Variants in ZW10 observed in about 807,000 individuals in gnomAD.
ZW10 encodes zw10 kinetochore protein.
A neutral mutation model predicts 87.8 loss-of-function variants in ZW10; 53 were observed. The observed-to-expected ratio is 0.60, with a 90% confidence interval of 0.48 to 0.76. The LOEUF (loss-of-function observed/expected upper bound fraction) is 0.76, where lower values mean the gene tolerates loss of function less well. Among genes scored for constraint, ZW10 ranks in the 30% least tolerant of loss-of-function variants. The probability of loss-of-function intolerance (pLI) is 0.00; values close to 1 mark genes in which losing one functional copy is unlikely to be tolerated. For missense variants in ZW10, 837 were observed against 923.0 expected (o/e 0.91, Z 1.21); for synonymous variants, 312 against 329.2 (o/e 0.95, Z 0.57).
At chr11:113,769,419 C>G (rs1194679910) in intron 1 of ZW10, among the ~76,000 whole-genome samples, 1 of 152,116 alleles carries the variant, frequency 6.6e-6, no homozygotes, top group Non-Finnish European at 1.5e-5. Context: ...TAAATTAAAT[C>G]CATAATCTGT....
At chr11:113,740,473 A>C (rs1443565924) in intron 11 of ZW10, among the ~76,000 whole-genome samples, 1 of 152,082 alleles carries the variant, frequency 6.6e-6, no homozygotes, top group Non-Finnish European at 1.5e-5. Context: ...GGTCCCAGCT[A>C]CTTGGGAGGC....
At chr11:113,764,359 A>G (rs976282014) in intron 2 of ZW10, among the ~76,000 whole-genome samples, 3 of 152,172 alleles carry the variant, frequency 2.0e-5, no homozygotes, top group African/African-American at 4.8e-5. Flanking sequence ...CTTTGATTCC[A>G]TATGAAATTA....
At chr11:113,735,868 A>G (rs1591407627) in intron 15 of ZW10, among the ~76,000 whole-genome samples, 1 of 152,076 alleles carries the variant, frequency 6.6e-6, no homozygotes, top group African/African-American at 2.4e-5. Flanking sequence ...AAACTACTGC[A>G]CTCCCTGCAG....
chr11:113,751,529 T>C (rs1367384368), intron 7 of ZW10, among the ~76,000 whole-genome samples: 1 of 152,186 alleles, frequency 6.6e-6, no homozygotes, highest in Non-Finnish European at 1.5e-5. Context: ...TTACAATGAA[T>C]AGTGTTTTAG....
At chr11:113,743,740 C>T in intron 10 of ZW10, 62 bp downstream of exon 10, 1 of 1,251,618 alleles carries the variant, frequency 8.0e-7, no homozygotes, top group Non-Finnish European at 1.2e-6. Flanking sequence ...TCCTGATAAA[C>T]ATCTAGTTAG....
Position 113,758,709 on chromosome 11 carries a change from A to G in ZW10, c.581-3T>C. 2 of 1,613,550 alleles carry G rather than the reference A, an allele frequency of 1.2e-6. No homozygotes were observed. Among genetic ancestry groups the G allele is most frequent in the Non-Finnish European group, 8.5e-7 (1 of 1,179,728 alleles). On this transcript the variant is annotated splice_polypyrimidine_tract_variant and splice_region_variant and intron_variant, in intron 5 of 15. Coordinates refer to ENST00000200135, the MANE Select transcript of ZW10 (RefSeq NM_004724.4). ...GTAAGATTCCAAACTGCTGGTATCT[A>G]AGAAAAAGGAAGAAAAATATCAGCT...
chr11:113,738,681 G>A (rs888912703), intron 12 of ZW10, among the ~76,000 whole-genome samples: 3 of 152,224 alleles, frequency 2.0e-5, no homozygotes, highest in Middle Eastern at 3.4e-3. Context: ...TTATTCTGAT[G>A]TATCTATACC....
chr11:113,761,069 A>G (rs1953855785), intron 2 of ZW10, 151 bp from the exon 3 acceptor site: 2 of 654,136 alleles, frequency 3.1e-6, no homozygotes, highest in Non-Finnish European at 5.2e-6. Flanking sequence ...CACAGAATGT[A>G]GTAGGAAGAT....
intron 1 of ZW10, among the ~76,000 whole-genome samples, chr11:113,769,356 T>C (rs765187067): frequency 1.3e-5 from 2 of 152,208 alleles, no homozygotes; most frequent in Non-Finnish European, 2.9e-5. Context: ...TATTGAACTA[T>C]ATCAGACTGT....
intron 11 of ZW10, 126 bp from the exon 12 acceptor site, chr11:113,739,508 C>T (rs985846972): frequency 1.6e-5 from 13 of 817,890 alleles, no homozygotes; most frequent in Non-Finnish European, 2.4e-5. Context: ...AAATGCTATA[C>T]ATAACAAGAT....
intron 7 of ZW10, among the ~76,000 whole-genome samples, chr11:113,756,063 C>A (rs775816183): frequency 1.3e-5 from 2 of 152,096 alleles, no homozygotes; most frequent in Non-Finnish European, 2.9e-5. Flanking sequence ...AAAACCAAAC[C>A]CGCAATATCT....
In ZW10 at chr11:113,768,951, A is replaced by T. The variant is rs1298099003; in HGVS notation, c.122T>A (p.Met41Lys). The change falls in exon 2 of 16, where the codon ATG becomes AAG. Residue 41 changes from methionine (M) to lysine (K), a missense_variant. By Grantham distance (95) the Met-to-Lys change is moderately conservative. Transcript: ENST00000200135. ...GAATTCACTGTACTTCTTGCTAATC[A>T]TATTGCACACCTCACCCTAAAATAT... is the stretch of plus-strand genomic sequence containing the variant. ...VEEIKGEVCNMISKKYSEFLP... is the reference protein window; with the variant it reads ...VEEIKGEVCNKISKKYSEFLP... The T allele has an allele frequency of 1.2e-6, 2 of 1,614,028 alleles. No individual in the cohort carries two copies. Among genetic ancestry groups the T allele is most frequent in the African/African-American group, 2.7e-5 (2 of 74,938 alleles).
rs746811678 is a variant in ZW10 at position 113,739,329 on chromosome 11, A to G, written c.1637T>C (p.Met546Thr). ...GGTCAGCAAGTGGTGAGCAATGTAC[A>G]TACAGTTGTTGTGATGAATAGCAGC... ...QLAAIHHNNCMYIAHHLLTLG... is the reference protein window; with the variant it reads ...QLAAIHHNNCTYIAHHLLTLG... Residue 546 changes from methionine (M) to threonine (T), a missense_variant, in exon 12 of 16, where the codon ATG (methionine) becomes ACG (threonine). Physicochemically the swap from Met to Thr is moderately conservative, Grantham distance 81. Coordinates refer to ENST00000200135, the MANE Select transcript of ZW10 (RefSeq NM_004724.4). 11 of 1,611,416 alleles carry G rather than the reference A, an allele frequency of 6.8e-6. No homozygotes were observed. The African/African-American group carries it at 1.3e-4, about 20-fold the overall frequency.
intron 7 of ZW10, among the ~76,000 whole-genome samples, chr11:113,750,021 C>T (rs1375565532): frequency 6.6e-6 from 1 of 152,082 alleles, no homozygotes; most frequent in African/African-American, 2.4e-5. Flanking sequence ...ATGGTGATAC[C>T]TACATAAATT....
intron 11 of ZW10, among the ~76,000 whole-genome samples, chr11:113,739,863 A>G (rs1327759481): frequency 6.6e-6 from 1 of 152,202 alleles, no homozygotes; most frequent in Non-Finnish European, 1.5e-5. Context: ...TTTAGACTTT[A>G]CCCCAAACAA....
At chr11:113,769,034 T>C (rs939464950) in intron 1 of ZW10, 67 bp from the exon 2 acceptor site, 62 of 1,523,220 alleles carry the variant, frequency 4.1e-5, no homozygotes, top group Non-Finnish European at 5.4e-5. Flanking sequence ...TAAGAATATA[T>C]TCATCTTCCA....
At chr11:113,747,163 G>T (rs1333760371) in intron 9 of ZW10, among the ~76,000 whole-genome samples, 1 of 152,014 alleles carries the variant, frequency 6.6e-6, no homozygotes, top group Non-Finnish European at 1.5e-5. Flanking sequence ...TTCATAAGAG[G>T]ATATAATTTC....
intron 12 of ZW10, 128 bp downstream of exon 12, chr11:113,739,085 C>A: frequency 3.1e-6 from 3 of 964,776 alleles, no homozygotes; most frequent in Admixed American, 3.4e-5. Flanking sequence ...AATTAAATGC[C>A]CTCCCACTTT....
intron 7 of ZW10, among the ~76,000 whole-genome samples, chr11:113,754,000 A>G (rs1953758209): frequency 6.6e-6 from 1 of 152,242 alleles, no homozygotes; most frequent in Non-Finnish European, 1.5e-5. Context: ...AAAGGTCTCT[A>G]TACTAAACAA....
Sources: gnomAD v4.1 joint callset for allele counts (sites outside exome capture counted in the v4.1 genomes callset) on GRCh38, gnomAD v4.1.1 for gene constraint, MANE v1.5 for transcripts, NCBI Gene and HGNC (gene_info 2026-07-23, HGNC 2026-07-21) for gene names.